Variants in RNF130 observed in about 807,000 individuals in gnomAD.
RNF130 encodes the protein E3 ubiquitin-protein ligase RNF130.
A neutral mutation model predicts 44.6 loss-of-function variants in RNF130; 21 were observed. The observed-to-expected ratio is 0.47, with a 90% CI of 0.33 to 0.68. RNF130 has a LOEUF of 0.68. RNF130 is among the 30% of genes least tolerant of loss of function. The pLI is 0.02. For synonymous variants in RNF130, 214 were observed against 210.4 expected, an observed-to-expected ratio of 1.02 and a Z score of -0.15; for missense variants, 479 against 560.6, an observed-to-expected ratio of 0.85 and a Z score of 1.47.
intron 5 of RNF130, among the ~76,000 whole-genome samples, chr5:179,971,675 A>C (rs938159480): frequency 6.6e-6 from 1 of 152,158 alleles, no homozygotes; most frequent in African/African-American, 2.4e-5. Flanking sequence ...GGCCAAGATA[A>C]AAGAAATTTT....
chr5:180,031,427 C>T (rs984064475), intron 2 of RNF130, among the ~76,000 whole-genome samples: 3 of 152,096 alleles, frequency 2.0e-5, no homozygotes, highest in African/African-American at 7.2e-5. Context: ...GCGGAGGTTG[C>T]AGTGAACCAA....
intron 3 of RNF130, among the ~76,000 whole-genome samples, chr5:180,010,045 A>C (rs1468741906): frequency 6.6e-6 from 1 of 152,070 alleles, no homozygotes. Context: ...CAGGAGATCG[A>C]GACCATCCTG....
chr5:180,057,866 A>T (rs1236104383), intron 1 of RNF130, among the ~76,000 whole-genome samples: 3 of 152,214 alleles, frequency 2.0e-5, no homozygotes, highest in African/African-American at 7.2e-5. Flanking sequence ...AATTGTAGCC[A>T]AGTCAAGACA....
At chr5:179,991,616 T>G (rs1019301808) in intron 3 of RNF130, among the ~76,000 whole-genome samples, 1 of 152,280 alleles carries the variant, frequency 6.6e-6, no homozygotes, top group South Asian at 2.1e-4. Context: ...TTTCTTCCAC[T>G]TGATCTAGAT....
intron 8 of RNF130, among the ~76,000 whole-genome samples, chr5:179,961,038 T>G (rs1222614680): frequency 6.6e-6 from 1 of 151,910 alleles, no homozygotes; most frequent in African/African-American, 2.4e-5. Flanking sequence ...TGGGTAAGAG[T>G]ACTATTATCT....
intron 2 of RNF130, among the ~76,000 whole-genome samples, chr5:180,033,020 C>A (rs78276257): frequency 2.9e-3 from 442 of 151,858 alleles, no homozygotes; most frequent in Non-Finnish European, 4.6e-3. Context: ...TGTTGCCCGG[C>A]GAGAATGCAG....
chr5:180,040,613 C>A lies in RNF130; in HGVS notation c.282G>T (p.Arg94=). 1.9e-6 allele frequency: 3 copies of A among 1,614,072 alleles called. No individual in the cohort carries two copies. The highest frequency in any genetic ancestry group is 2.5e-6 in the Non-Finnish European group (3 of 1,179,986). ...GTTTGATATTAGGAGGGACAAAGAA[C>A]CGGGTTTGTGGATCACAGCCCAGAT... ...ADHLGCDPQT[R]FFVPPNIKQW... is the part of the protein sequence containing the mutation. The change falls in exon 2 of 9, where the codon CGG becomes CGT. Residue 94 remains arginine, a synonymous_variant. Coordinates refer to ENST00000521389, the MANE Select transcript of RNF130 (RefSeq NM_018434.6).
chr5:180,068,868 C>A (rs1376063977), intron 1 of RNF130, among the ~76,000 whole-genome samples: 1 of 152,164 alleles, frequency 6.6e-6, no homozygotes, highest in Non-Finnish European at 1.5e-5. Flanking sequence ...TGTGTGTAAT[C>A]TGAGCATTAC....
rs571242206 is a variant in RNF130 at position 179,970,407 on chromosome 5, T to C, written c.945+3A>G. 3.2e-5 allele frequency: 51 copies of C among 1,603,534 alleles called. No homozygotes were observed. In the East Asian group the frequency reaches 7.4e-4, roughly 23 times the overall value. ...GTGGTAACAAATAAAATAGGAAACG[T>C]ACCACAATTCCCAGGGCCTTCAATA... On this transcript the variant is annotated splice_donor_region_variant and intron_variant, in intron 6 of 8. Transcript: ENST00000521389.
intron 3 of RNF130, among the ~76,000 whole-genome samples, chr5:179,990,008 T>A (rs1228827268): frequency 6.6e-6 from 1 of 152,180 alleles, no homozygotes; most frequent in Non-Finnish European, 1.5e-5. Flanking sequence ...ATTCTCTTAG[T>A]GTTTGCTTGT....
At position 179,986,779 on chromosome 5, in the gene RNF130, A is replaced by C. The variant is rs144049898; in HGVS notation, c.694-6579T>G. Among the ~76,000 whole-genome samples the C allele has an allele frequency of 5.1e-3, 784 of 152,364 alleles. 5 individuals carry two copies. The highest frequency in any genetic ancestry group is 8.6e-3 in the Non-Finnish European group (584 of 68,042). On this transcript the variant is annotated intron_variant, in intron 3 of 8. Transcript: ENST00000521389. ...TTTATGATAGTAAATGATCAAATAG[A>C]CTAGTATCTACATGTATTTTATACA...
chr5:179,952,340 T>C (rs1762138338), downstream of RNF130, among the ~76,000 whole-genome samples: 1 of 152,190 alleles, frequency 6.6e-6, no homozygotes, highest in Admixed American at 6.5e-5. Context: ...AAAACCTGAA[T>C]AGGCCTCTAA....
intron 7 of RNF130, among the ~76,000 whole-genome samples, chr5:179,937,933 T>TGTGAGAGAGAGAGA (rs1268947878): frequency 1.3e-4 from 15 of 116,222 alleles, no homozygotes; most frequent in African/African-American, 4.9e-4. Context: ...TGTGTGTGTG[T>TGTGAGAGAGAGAGA]GAGAGAGAGA....
At chr5:180,070,433 C>T (rs1765224267) in intron 1 of RNF130, among the ~76,000 whole-genome samples, 1 of 152,158 alleles carries the variant, frequency 6.6e-6, no homozygotes, top group Non-Finnish European at 1.5e-5. Flanking sequence ...CAGCTTAGCA[C>T]TTTGGCATAC....
downstream of RNF130, among the ~76,000 whole-genome samples, chr5:179,951,196 A>C (rs1384081576): frequency 6.6e-6 from 1 of 152,134 alleles, no homozygotes; most frequent in Admixed American, 6.5e-5. Flanking sequence ...CAAAGCCCCA[A>C]ACTACATGAA....
chr5:179,932,266 T>C (rs1202392931), intron 7 of RNF130, among the ~76,000 whole-genome samples: 1 of 152,106 alleles, frequency 6.6e-6, no homozygotes, highest in East Asian at 1.9e-4. Flanking sequence ...AATACAAATG[T>C]CTTTTATTTG....
At chr5:179,993,302 G>A (rs1190404978) in intron 3 of RNF130, among the ~76,000 whole-genome samples, 2 of 152,234 alleles carry the variant, frequency 1.3e-5, no homozygotes, top group Non-Finnish European at 2.9e-5. Context: ...TCACCACACT[G>A]TCTTCCACAA....
chr5:179,935,023 C>T (rs566607992), intron 7 of RNF130, among the ~76,000 whole-genome samples: 10 of 152,242 alleles, frequency 6.6e-5, no homozygotes, highest in South Asian at 6.2e-4. Context: ...AGCTGAATTA[C>T]GTAAGTTTTG....
At chr5:179,932,003 A>C (rs991356258) in intron 7 of RNF130, among the ~76,000 whole-genome samples, 2 of 151,996 alleles carry the variant, frequency 1.3e-5, no homozygotes, top group African/African-American at 4.8e-5. Context: ...CTGTGTAGTA[A>C]ATTTCTTTAT....
Sources: allele counts gnomAD v4.1 joint callset (sites outside exome capture counted in the v4.1 genomes callset), GRCh38; gene constraint gnomAD v4.1.1; transcripts MANE v1.5; gene names NCBI Gene and HGNC (gene_info 2026-07-23, HGNC 2026-07-21).